The following GPC5 variants were observed in gnomAD, a reference collection of about 807,000 sequenced individuals.
GPC5 encodes glypican-5.
A neutral mutation model predicts 53.9 loss-of-function variants in GPC5; 47 were observed. The ratio of observed to expected loss-of-function variants is 0.87; its 90% CI spans 0.69 to 1.11. The LOEUF (loss-of-function observed/expected upper bound fraction) is 1.11. GPC5 is among the 50% of genes most tolerant of loss of function. GPC5 has a pLI of 0.00. For missense variants in GPC5, 748 were observed against 713.1 expected (o/e 1.05, Z -0.56); for synonymous variants, 286 against 263.3 (o/e 1.09, Z -0.84).
At chr13:91,916,186 C>CA (rs2039656974) in intron 6 of GPC5, among the ~76,000 whole-genome samples, 1 of 152,092 alleles carries the variant, frequency 6.6e-6, no homozygotes, top group African/African-American at 2.4e-5. Flanking sequence ...GTGGAACTCT[C>CA]AAACATTGCT....
chr13:92,483,680 TTTTG>T (rs1879442125), intron 7 of GPC5, among the ~76,000 whole-genome samples: 1 of 152,242 alleles, frequency 6.6e-6, no homozygotes, highest in African/African-American at 2.4e-5. Context: ...TACTTTATAA[TTTTG>T]TTTTTTAACA....
chr13:91,997,265 A>C (rs1165829803), intron 6 of GPC5, among the ~76,000 whole-genome samples: 3 of 152,136 alleles, frequency 2.0e-5, no homozygotes, highest in Non-Finnish European at 2.9e-5. Context: ...GTGATATCTT[A>C]TTTTAAACAT....
At chr13:91,724,411 C>G (rs974946732) in intron 3 of GPC5, among the ~76,000 whole-genome samples, 5 of 152,122 alleles carry the variant, frequency 3.3e-5, no homozygotes, top group African/African-American at 1.2e-4. Context: ...CTCCTCTAAC[C>G]CAGTGTGCTT....
In GPC5 at chr13:92,650,828, C is replaced by T. The variant is rs1885933410; in HGVS notation, c.1562-215454C>T. On this transcript the variant is annotated intron_variant, in intron 7 of 7. Coordinates refer to ENST00000377067, the MANE Select transcript of GPC5 (RefSeq NM_004466.6). ...AAATTTTACTTTAAGTTCTGAGAGA[C>T]ATGTGCAGAACGTGGAGGTTTGTTG... is the stretch of plus-strand genomic sequence containing the variant. 1.3e-5 allele frequency among the ~76,000 whole-genome samples: 2 copies of T among 152,102 alleles called. 1 individual carries two copies. Among genetic ancestry groups the T allele is most frequent in the South Asian group, 4.1e-4 (2 of 4,832 alleles).
intron 6 of GPC5, among the ~76,000 whole-genome samples, chr13:91,981,098 A>G (rs892813647): frequency 1.3e-5 from 2 of 152,150 alleles, no homozygotes; most frequent in African/African-American, 4.8e-5. Context: ...ATATGTATGC[A>G]TTTCTGTTGG....
intron 7 of GPC5, among the ~76,000 whole-genome samples, chr13:92,718,895 C>CA (rs113129932): frequency 0.014 from 1,458 of 102,918 alleles, 11 homozygotes; most frequent in Middle Eastern, 0.037. Flanking sequence ...CGTCCCCCCA[C>CA]AAAAAAAAAA....
intron 6 of GPC5, among the ~76,000 whole-genome samples, chr13:92,124,121 T>A (rs928296963): frequency 6.0e-5 from 9 of 150,844 alleles, no homozygotes; most frequent in Non-Finnish European, 1.2e-4. Flanking sequence ...CAGTTAACTT[T>A]GTGCTTTTCT....
At chr13:91,409,131 G>A (rs1033027890) in intron 1 of GPC5, among the ~76,000 whole-genome samples, 2 of 152,068 alleles carry the variant, frequency 1.3e-5, no homozygotes, top group African/African-American at 2.4e-5. Context: ...AGGTTATACC[G>A]AGCTACATTT....
rs116323278 is a variant in GPC5, at chr13:91,492,539, G to A, written c.325+43617G>A. 7.4e-3 allele frequency among the ~76,000 whole-genome samples: 1,132 copies of A among 152,200 alleles called. 15 individuals carry two copies. The highest frequency in any genetic ancestry group is 0.026 in the African/African-American group (1,095 of 41,522). On this transcript the variant is annotated intron_variant, in intron 2 of 7. Coordinates refer to ENST00000377067, the MANE Select transcript of GPC5 (RefSeq NM_004466.6). ...CAGCTAAAGCAGAGAGACTGAGTTC[G>A]CCTTTTTTCTGTCTTTTTGGTCTAT...
intron 7 of GPC5, among the ~76,000 whole-genome samples, chr13:92,561,568 T>G (rs1882694791): frequency 6.6e-6 from 1 of 152,060 alleles, no homozygotes; most frequent in South Asian, 2.1e-4. Flanking sequence ...AAATGTCATT[T>G]ATTCATTTCC....
At chr13:91,817,046 A>G (rs928905733) in intron 5 of GPC5, among the ~76,000 whole-genome samples, 2 of 152,178 alleles carry the variant, frequency 1.3e-5, no homozygotes, top group African/African-American at 4.8e-5. Context: ...CAGCTTAGGA[A>G]GTAATTTAAA....
At chr13:92,731,027 T>C (rs1157697814) in intron 7 of GPC5, among the ~76,000 whole-genome samples, 2 of 151,456 alleles carry the variant, frequency 1.3e-5, no homozygotes, top group Admixed American at 1.3e-4. Flanking sequence ...ATTCTACATA[T>C]GCCCACTGAA....
intron 7 of GPC5, among the ~76,000 whole-genome samples, chr13:92,838,768 G>C (rs1878315158): frequency 6.6e-6 from 1 of 152,196 alleles, no homozygotes; most frequent in African/African-American, 2.4e-5. Context: ...GAGAAATTGA[G>C]CCTATTTTTA....
intron 7 of GPC5, among the ~76,000 whole-genome samples, chr13:92,324,642 A>G (rs1320137888): frequency 4.5e-5 from 5 of 111,712 alleles, no homozygotes; most frequent in Admixed American, 3.2e-4. Flanking sequence ...ATCATTATGT[A>G]GTATGGCATA....
intron 4 of GPC5, among the ~76,000 whole-genome samples, chr13:91,752,619 T>G (rs2037203768): frequency 6.6e-6 from 1 of 152,222 alleles, no homozygotes; most frequent in Non-Finnish European, 1.5e-5. Context: ...AACTTTGAAG[T>G]TTTCTTCCTT....
chr13:92,147,298 G>A (rs2041874973), intron 7 of GPC5, among the ~76,000 whole-genome samples: 1 of 151,710 alleles, frequency 6.6e-6, no homozygotes, highest in Non-Finnish European at 1.5e-5. Flanking sequence ...CATCCTATCT[G>A]GAGTATTTAT....
intron 5 of GPC5, among the ~76,000 whole-genome samples, chr13:91,858,373 T>C (rs887667910): frequency 2.6e-5 from 4 of 151,858 alleles, no homozygotes; most frequent in Admixed American, 2.6e-4. Flanking sequence ...TATGATCATG[T>C]ATGAATGTTG....
intron 7 of GPC5, among the ~76,000 whole-genome samples, chr13:92,831,601 A>T (rs779011216): frequency 4.5e-4 from 68 of 152,128 alleles, no homozygotes; most frequent in Admixed American, 2.5e-3. Flanking sequence ...AATAGTCTTG[A>T]CTCTTTGAGT....
intron 3 of GPC5, among the ~76,000 whole-genome samples, chr13:91,707,881 T>C (rs1007865041): frequency 2.0e-5 from 3 of 152,070 alleles, no homozygotes; most frequent in Non-Finnish European, 2.9e-5. Context: ...ATATTCCTAA[T>C]AGTCAAAAAC....
Sources: allele counts gnomAD v4.1 joint callset (sites outside exome capture counted in the v4.1 genomes callset), GRCh38; gene constraint gnomAD v4.1.1; transcripts MANE v1.5; gene names NCBI Gene and HGNC (gene_info 2026-07-23, HGNC 2026-07-21).